The following NCCRP1 variants were observed in gnomAD, a reference collection of about 807,000 sequenced individuals.
NCCRP1 encodes F-box only protein 50.
A neutral mutation model predicts 34.4 loss-of-function variants in NCCRP1; 32 were observed. The observed-to-expected ratio is 0.93, with a 90% CI of 0.70 to 1.25. NCCRP1 has a LOEUF of 1.25. Ranked by LOEUF, NCCRP1 falls within the 50% of genes most tolerant of loss-of-function variation. The pLI, the probability that NCCRP1 is intolerant of heterozygous loss-of-function variation, is 0.00. For synonymous variants in NCCRP1, 172 were observed against 180.1 expected (o/e 0.95, Z 0.36); for missense variants, 372 against 391.8 (o/e 0.95, Z 0.43).
Position 39,200,405 on chromosome 19 carries a change from C to T in NCCRP1, c.608C>T (p.Ala203Val), listed in dbSNP as rs2074782830. The change falls in exon 5 of 6, where the codon GCC becomes GTC. Residue 203 changes from alanine to valine, a missense_variant. Transcript: ENST00000339852. This position sits in a 1 kb window ranked among gnomAD's most constrained non-coding sequence, Gnocchi z 5.8. ...VYELHVWLLAADRRTVIAQHH... is the reference protein window; with the variant it reads ...VYELHVWLLAVDRRTVIAQHH... ...GAGCTGCATGTCTGGCTGCTGGCGG[C>T]CGACCGCCGCACGGTCATTGCTCAG... The T allele has an allele frequency of 6.2e-7, 1 of 1,613,436 alleles. No individual in the cohort carries two copies. Among genetic ancestry groups the T allele is most frequent in the African/African-American group, 1.3e-5 (1 of 75,048 alleles).
In NCCRP1 at chr19:39,198,106, G is replaced by A. The variant is rs749931274; in HGVS notation, c.391G>A (p.Glu131Lys). 1.2e-6 allele frequency: 2 copies of A among 1,614,158 alleles called. No homozygotes were observed. The highest frequency in any genetic ancestry group is 1.7e-6 in the Non-Finnish European group (2 of 1,180,020). Residue 131 changes from glutamate (E) to lysine (K), a missense_variant, in exon 2 of 6, where the codon GAA becomes AAA. Coordinates refer to ENST00000339852, the MANE Select transcript of NCCRP1 (RefSeq NM_001001414.2). ...TACTGGTCCCACCCAGCGACCCCTG[G>A]AAACTCTGGGTAAGTGCTTGGAGGG... ...PPTGPTQRPLETLGNFRGWYI... is the reference protein window; with the variant it reads ...PPTGPTQRPLKTLGNFRGWYI...
chr19:39,197,296 T>A lies in NCCRP1; in HGVS notation c.314T>A (p.Leu105Gln), dbSNP rs2074766646. Residue 105 changes from leucine to glutamine, a missense_variant, in exon 1 of 6, where the codon CTG becomes CAG. Coordinates refer to ENST00000339852, the MANE Select transcript of NCCRP1 (RefSeq NM_001001414.2). Reference sequence around the variant, plus strand: ...TTGCGGCGGCCGCTCTACCGCAACCTGCTGCGCTCGCCCAACCCCGAAGGT... The same window carrying A: ...TTGCGGCGGCCGCTCTACCGCAACCAGCTGCGCTCGCCCAACCCCGAAGGT... ...LLLRRPLYRN[L>Q]LRSPNPEGIN... is the part of the protein sequence containing the mutation. 4 of 1,481,934 alleles carry A rather than the reference T, an allele frequency of 2.7e-6. No individual in the cohort carries two copies. In the South Asian group the frequency reaches 5.3e-5, roughly 20 times the overall value. 91.8% of individuals were successfully genotyped at this position (1,481,934 alleles called of 1,614,324 possible).
In NCCRP1 at chr19:39,201,612, T is replaced by C. The variant is rs2074789004; in HGVS notation, c.*856T>C. The C allele has an allele frequency of 6.6e-6, 1 of 152,142 alleles. No homozygotes were observed. The highest frequency in any genetic ancestry group is 1.5e-5 in the Non-Finnish European group (1 of 68,064). The allele number at this position is 152,142 out of a possible 1,614,324, so 9.4% of individuals were successfully genotyped here. Reference sequence around the variant, plus strand: ...AGACGTGAGTCACTGCGCCCAGCCATTCCATGTCTCTTAAGTCTCAGAATC... The same window carrying C: ...AGACGTGAGTCACTGCGCCCAGCCACTCCATGTCTCTTAAGTCTCAGAATC... On this transcript the variant is annotated 3_prime_UTR_variant, in exon 6 of 6. Transcript: ENST00000339852.
At chr19:39,197,347 G>A in intron 1 of NCCRP1, 28 bp downstream of exon 1, 2 of 1,404,952 alleles carry the variant, frequency 1.4e-6, no homozygotes, top group Non-Finnish European at 1.8e-6. Context: ...GCAGCCAGGA[G>A]GCACCACCCT....
rs764542140 is a variant in NCCRP1, at chr19:39,198,076, C to T, written c.361C>T (p.Pro121Ser). 9 of 1,614,066 alleles carry T rather than the reference C, an allele frequency of 5.6e-6. No homozygotes were observed. Among genetic ancestry groups the T allele is most frequent in the East Asian group, 2.2e-5 (1 of 44,884 alleles). ...PEGINIYEPA[P>S]PTGPTQRPLE... is the part of the protein sequence containing the mutation. ...AGGCATCAACATTTATGAGCCAGCA[C>T]CCCCTACTGGTCCCACCCAGCGACC... Residue 121 changes from proline (P) to serine (S), a missense_variant, in exon 2 of 6, where the codon CCC becomes TCC. Coordinates refer to ENST00000339852, the MANE Select transcript of NCCRP1 (RefSeq NM_001001414.2).
In NCCRP1 at chr19:39,200,910, T is replaced by C. The variant is rs1346954813; in HGVS notation, c.*154T>C. 11 of 941,662 alleles carry C rather than the reference T, an allele frequency of 1.2e-5. No homozygotes were observed. Among genetic ancestry groups the C allele is most frequent in the Non-Finnish European group, 1.7e-5 (11 of 639,198 alleles). The allele number at this position is 941,662 out of a possible 1,614,324, so 58.3% of individuals were successfully genotyped here. A position where few individuals can be genotyped will look rare whatever the true frequency, so the allele number is the denominator to read the frequency against. ...ACCCTTAAGCGGTGGACTCCAGCAT[T>C]TTCCCAGCACTGTCTGAGCCCCATG... On this transcript the variant is annotated 3_prime_UTR_variant, in exon 6 of 6. Coordinates refer to ENST00000339852, the MANE Select transcript of NCCRP1 (RefSeq NM_001001414.2). This position sits in a 1 kb window ranked among gnomAD's most constrained non-coding sequence, Gnocchi z 5.8.
In NCCRP1 at chr19:39,196,996, G is replaced by A; in HGVS notation, c.14G>A (p.Arg5His). The A allele has an allele frequency of 1.3e-6, 2 of 1,536,438 alleles. No homozygotes were observed. Among genetic ancestry groups the A allele is most frequent in the East Asian group, 2.5e-5 (1 of 40,672 alleles). ...CAGCCTCGAGGGATGGAGGAGGTGC[G>A]TGAGGGACACGCGCTCGGTGGCGGG... MEEV[R>H]EGHALGGGME... Residue 5 changes from arginine (R) to histidine (H), a missense_variant, in exon 1 of 6, where the codon CGT becomes CAT. Transcript: ENST00000339852.
chr19:39,198,887 T>G (rs1319471676), intron 3 of NCCRP1, among the ~76,000 whole-genome samples: 1 of 152,274 alleles, frequency 6.6e-6, no homozygotes, highest in East Asian at 1.9e-4. Flanking sequence ...ACTTGGAGGC[T>G]CAGGGTCACA....
rs753617780 is a variant in NCCRP1 at position 39,200,466 on chromosome 19, C to T, written c.669C>T (p.Pro223=). The T allele has an allele frequency of 6.2e-7, 1 of 1,613,434 alleles. No individual in the cohort carries two copies. The highest frequency in any genetic ancestry group is 8.5e-7 in the Non-Finnish European group (1 of 1,180,016). ...HVAPRTSGRG[P]PGRWVQVSHV... is the part of the protein sequence containing the mutation. ...CCCCCCGAACTTCTGGGAGAGGACCCCCTGGCCGCTGGGTCCAGGTGAGAC... is the reference window on the plus strand; with the variant it reads ...CCCCCCGAACTTCTGGGAGAGGACCTCCTGGCCGCTGGGTCCAGGTGAGAC... Residue 223 remains proline (P), a synonymous_variant, in exon 5 of 6, where the codon CCC becomes CCT. Coordinates refer to ENST00000339852, the MANE Select transcript of NCCRP1 (RefSeq NM_001001414.2). The surrounding 1 kb of genome is among the most constrained non-coding windows in gnomAD (Gnocchi z 5.8).
At position 39,200,568 on chromosome 19, in the gene NCCRP1, G is replaced by A. The variant is rs140808558; in HGVS notation, c.688-48G>A. The stretch of plus-strand genomic sequence containing the variant: ...CACAGAGGGAGGAGAACAGGTCCGC[G>A]GGTCCTCAAAAAGGGCTCCTCCCTA... On this transcript the variant is annotated intron_variant, in intron 5 of 5. Transcript: ENST00000339852. This position sits in a 1 kb window ranked among gnomAD's most constrained non-coding sequence, Gnocchi z 5.8. 44 of 1,611,364 alleles carry A rather than the reference G, an allele frequency of 2.7e-5. No individual in the cohort carries two copies. The highest frequency in any genetic ancestry group is 1.5e-4 in the African/African-American group (11 of 74,978).
Position 39,199,515 on chromosome 19 carries a change from T to C in NCCRP1, c.548+250T>C, listed in dbSNP as rs111711288. On this transcript the variant is annotated intron_variant, in intron 4 of 5. Coordinates refer to ENST00000339852, the MANE Select transcript of NCCRP1 (RefSeq NM_001001414.2). ...TTTTTTTTCTTTTTTCTTTCTTTTT[T>C]TTTTTTTTTTTTTTTTTTGAGACAG... 2.3e-3 allele frequency among the ~76,000 whole-genome samples: 257 copies of C among 114,056 alleles called. 3 individuals are homozygous for C. The highest frequency in any genetic ancestry group is 0.018 in the East Asian group (80 of 4,530). The allele number at this position is 114,056 out of a possible 152,430, so 74.8% of individuals were successfully genotyped here. A position where few individuals can be genotyped will look rare whatever the true frequency, so the allele number is the denominator to read the frequency against.
chr19:39,199,117 C>T (rs1376488370), intron 3 of NCCRP1, 53 bp from the exon 4 acceptor site: 1 of 1,554,712 alleles, frequency 6.4e-7, no homozygotes, highest in East Asian at 2.2e-5. Context: ...GCTTCCTGCT[C>T]CCTGGATCCT....
Position 39,200,349 on chromosome 19 carries a change from C to T in NCCRP1, c.552C>T (p.Phe184=), listed in dbSNP as rs779504590. ...AAGGCCTTGACTCCGCCTGCAGGTT[C>T]GAGGACAGCCGGCTGGATGCGTGCG... The part of the protein sequence containing the change: ...EQPAITVMDW[F]EDSRLDACVY... The change falls in exon 5 of 6, where the codon TTC becomes TTT. Residue 184 remains phenylalanine, a synonymous_variant. Coordinates refer to ENST00000339852, the MANE Select transcript of NCCRP1 (RefSeq NM_001001414.2). This position sits in a 1 kb window ranked among gnomAD's most constrained non-coding sequence, Gnocchi z 5.8. 14 of 1,613,200 alleles carry T rather than the reference C, an allele frequency of 8.7e-6. No homozygotes were observed. Among genetic ancestry groups the T allele is most frequent in the Middle Eastern group, 1.7e-4 (1 of 5,824 alleles).
intron 4 of NCCRP1, among the ~76,000 whole-genome samples, chr19:39,199,938 G>A (rs1351262327): frequency 1.3e-5 from 2 of 152,030 alleles, no homozygotes; most frequent in African/African-American, 4.8e-5. Flanking sequence ...GCTGGGTCAC[G>A]TGCATTTTCT....
At chr19:39,199,365 A>G (rs2074777424) in intron 4 of NCCRP1, 100 bp downstream of exon 4, 10 of 1,045,124 alleles carry the variant, frequency 9.6e-6, no homozygotes, top group Non-Finnish European at 1.4e-5. Flanking sequence ...CCCTTCACCA[A>G]GACCCTCCTG....
rs376752911 is a variant in NCCRP1, at chr19:39,200,652, C to T, written c.724C>T (p.Arg242Cys). ...ATTCCGCCATTATGGTCCCGGTGTG[C>T]GCTTTATCCACTTCCTGCACAAGGC... is the stretch of plus-strand genomic sequence containing the variant. Reference protein sequence around the residue: ...HVFRHYGPGVRFIHFLHKAKN... With the variant: ...HVFRHYGPGVCFIHFLHKAKN... Residue 242 changes from arginine to cysteine, a missense_variant, in exon 6 of 6, where the codon CGC becomes TGC. Arg to Cys is a radical substitution (Grantham distance 180, BLOSUM62 -3). Transcript: ENST00000339852. This position sits in a 1 kb window ranked among gnomAD's most constrained non-coding sequence, Gnocchi z 5.8. 211 of 1,614,140 alleles carry T rather than the reference C, an allele frequency of 1.3e-4. No homozygotes were observed. Among genetic ancestry groups the T allele is most frequent in the Non-Finnish European group, 1.7e-4 (199 of 1,180,030 alleles).
In NCCRP1 at chr19:39,200,989, T is replaced by C. The variant is rs1427770966; in HGVS notation, c.*233T>C. On this transcript the variant is annotated 3_prime_UTR_variant, in exon 6 of 6. Transcript: ENST00000339852. The surrounding 1 kb of genome is among the most constrained non-coding windows in gnomAD (Gnocchi z 5.8). Reference sequence around the variant, plus strand: ...TGCCCGACAGATGCTCTGGCACAGATGCTTTGTAGATCTCTGTTGAGAGAA... The same window carrying C: ...TGCCCGACAGATGCTCTGGCACAGACGCTTTGTAGATCTCTGTTGAGAGAA... 3 of 533,646 alleles carry C rather than the reference T, an allele frequency of 5.6e-6. No homozygotes were observed. Among genetic ancestry groups the C allele is most frequent in the African/African-American group, 1.9e-5 (1 of 52,502 alleles). The allele number at this position is 533,646 out of a possible 1,614,324, so 33.1% of individuals were successfully genotyped here.
Position 39,197,127 on chromosome 19 carries a change from T to C in NCCRP1, c.145T>C (p.Ser49Pro), listed in dbSNP as rs1336722296. ...PPLPSPPSLP[S>P]PAAPEAPELP... ...ACTGCCCTCGCCGCCGTCGCTGCCA[T>C]CGCCCGCAGCCCCGGAGGCCCCCGA... Residue 49 changes from serine (S) to proline (P), a missense_variant, in exon 1 of 6, where the codon TCG (serine) becomes CCG (proline). Physicochemically the swap from Ser to Pro is moderately conservative, Grantham distance 74. Transcript: ENST00000339852. The C allele has an allele frequency of 2.0e-6, 3 of 1,516,002 alleles. No homozygotes were observed. Among genetic ancestry groups the C allele is most frequent in the East Asian group, 2.6e-5 (1 of 38,418 alleles). 93.9% of individuals were successfully genotyped at this position (1,516,002 alleles called of 1,614,324 possible). A position where few individuals can be genotyped will look rare whatever the true frequency, so the allele number is the denominator to read the frequency against.
rs1458298346 is a variant in NCCRP1 at position 39,200,117 on chromosome 19, T to C, written c.549-229T>C. On this transcript the variant is annotated intron_variant, in intron 4 of 5. Transcript: ENST00000339852. The surrounding 1 kb of genome is among the most constrained non-coding windows in gnomAD (Gnocchi z 5.8). ...GTGCTCCCCATCCCAAACCTGGCCGTTCCTGGCTGTCATGTTTGGTGGCAT... is the reference window on the plus strand; with the variant it reads ...GTGCTCCCCATCCCAAACCTGGCCGCTCCTGGCTGTCATGTTTGGTGGCAT... Among the ~76,000 whole-genome samples the C allele has an allele frequency of 1.3e-5, 2 of 152,168 alleles. No homozygotes were observed.
Sources: allele counts gnomAD v4.1 joint callset (sites outside exome capture counted in the v4.1 genomes callset), GRCh38; gene constraint gnomAD v4.1.1; non-coding constraint Gnocchi (gnomAD v3.1); transcripts MANE v1.5; gene names NCBI Gene and HGNC (gene_info 2026-07-23, HGNC 2026-07-21).